CNTNAP2: variants seen among roughly 807,000 people sequenced by gnomAD.
The protein encoded by CNTNAP2 is contactin associated protein 2.
CNTNAP2 carries 98 observed loss-of-function variants against 155.2 expected under a neutral mutation model. That is an observed-to-expected ratio of 0.63 (90% CI 0.54 to 0.75). The LOEUF (loss-of-function observed/expected upper bound fraction) is 0.75. Among genes scored for constraint, CNTNAP2 ranks in the 30% least tolerant of loss-of-function variants. The pLI is 0.00. For synonymous variants in CNTNAP2, 651 were observed against 631.2 expected, an observed-to-expected ratio of 1.03 and a Z score of -0.47; for missense variants, 1,727 against 1,688.1, an observed-to-expected ratio of 1.02 and a Z score of -0.40.
intron 15 of CNTNAP2, among the ~76,000 whole-genome samples, chr7:147,991,236 T>C (rs1178826740): frequency 6.6e-6 from 1 of 152,186 alleles, no homozygotes; most frequent in Non-Finnish European, 1.5e-5. Flanking sequence ...CAGGCAGAAG[T>C]CTGTATCATG....
chr7:146,454,743 A>G (rs187044037), intron 1 of CNTNAP2, among the ~76,000 whole-genome samples: 3 of 152,162 alleles, frequency 2.0e-5, no homozygotes, highest in Non-Finnish European at 2.9e-5. Context: ...AGATAGATAG[A>G]TTAGATAGAT....
intron 1 of CNTNAP2, among the ~76,000 whole-genome samples, chr7:146,360,212 G>T (rs1349022938): frequency 6.6e-6 from 1 of 152,046 alleles, no homozygotes; most frequent in Admixed American, 6.6e-5. Flanking sequence ...CACTTCCCTT[G>T]CCTCCTTGCC....
chr7:147,433,492 T>C (rs1797498791), intron 10 of CNTNAP2, among the ~76,000 whole-genome samples: 1 of 152,182 alleles, frequency 6.6e-6, no homozygotes, highest in Admixed American at 6.5e-5. Context: ...TTCTTGGTGA[T>C]AAGAGTGAAG....
intron 4 of CNTNAP2, among the ~76,000 whole-genome samples, chr7:147,068,781 A>C (rs1799833586): frequency 6.6e-6 from 1 of 152,236 alleles, no homozygotes; most frequent in Admixed American, 6.5e-5. Context: ...GGACTTCAGA[A>C]CTGCCAAATC....
intron 1 of CNTNAP2, among the ~76,000 whole-genome samples, chr7:146,228,913 T>C (rs527778193): frequency 6.6e-6 from 1 of 152,286 alleles, no homozygotes; most frequent in African/African-American, 2.4e-5. Flanking sequence ...ATGAACATGA[T>C]CTCTCTTCTG....
At chr7:148,240,284 G>C (rs1422758231) in intron 20 of CNTNAP2, among the ~76,000 whole-genome samples, 2 of 152,164 alleles carry the variant, frequency 1.3e-5, no homozygotes, top group Non-Finnish European at 2.9e-5. Context: ...TATATTCTGG[G>C]AGGGGAGAAA....
chr7:147,274,512 T>TTTG (rs757772000), intron 8 of CNTNAP2, among the ~76,000 whole-genome samples: 72 of 152,114 alleles, frequency 4.7e-4, no homozygotes, highest in Admixed American at 2.9e-3. Context: ...TTTTAATTTT[T>TTTG]TTGTTGTTGT....
At chr7:147,461,658 C>T (rs1798027675) in intron 10 of CNTNAP2, among the ~76,000 whole-genome samples, 1 of 151,876 alleles carries the variant, frequency 6.6e-6, no homozygotes, top group South Asian at 2.1e-4. Flanking sequence ...TTATCCTGGG[C>T]TTGAAAAAAA....
intron 8 of CNTNAP2, among the ~76,000 whole-genome samples, chr7:147,148,096 A>G (rs1253170093): frequency 1.3e-5 from 2 of 152,232 alleles, no homozygotes; most frequent in Non-Finnish European, 1.5e-5. Context: ...ATTATATGGT[A>G]AAAAGTGGTG....
chr7:147,019,879 T>C (rs1372576358), intron 3 of CNTNAP2, among the ~76,000 whole-genome samples: 1 of 152,078 alleles, frequency 6.6e-6, no homozygotes, highest in Non-Finnish European at 1.5e-5. Context: ...TCATCAATGA[T>C]ACATAGAATT....
At chr7:146,194,737 CTT>C (rs1798752919) in intron 1 of CNTNAP2, among the ~76,000 whole-genome samples, 3 of 152,158 alleles carry the variant, frequency 2.0e-5, no homozygotes, top group Admixed American at 2.0e-4. Context: ...CTAAAACTAA[CTT>C]ATTTGAAGTT....
intron 1 of CNTNAP2, among the ~76,000 whole-genome samples, chr7:146,368,687 G>A (rs1795188575): frequency 6.6e-6 from 1 of 152,014 alleles, no homozygotes; most frequent in Admixed American, 6.6e-5. Context: ...AAGTGTCCCA[G>A]TGAGTCCTCA....
At chr7:148,352,202 T>C (rs1324838212) in intron 21 of CNTNAP2, among the ~76,000 whole-genome samples, 3 of 152,182 alleles carry the variant, frequency 2.0e-5, no homozygotes, top group Admixed American at 6.5e-5. Context: ...TTTATGTTTT[T>C]ACAAGAACAC....
chr7:147,112,941 G>A (rs77863718), intron 5 of CNTNAP2, among the ~76,000 whole-genome samples: 2 of 151,958 alleles, frequency 1.3e-5, no homozygotes, highest in South Asian at 2.1e-4. Flanking sequence ...CAGGTTTTTG[G>A]AATAGTTTGA....
At chr7:147,775,427 A>C (rs532577619) in intron 13 of CNTNAP2, among the ~76,000 whole-genome samples, 14 of 124,348 alleles carry the variant, frequency 1.1e-4, no homozygotes, top group African/African-American at 3.5e-4. Flanking sequence ...ATATATATAT[A>C]TCTGAAGAAA....
intron 9 of CNTNAP2, among the ~76,000 whole-genome samples, chr7:147,363,803 C>G (rs1455457012): frequency 6.6e-6 from 1 of 152,192 alleles, no homozygotes; most frequent in East Asian, 1.9e-4. Context: ...AGGCTCAATT[C>G]TCCAATGCCA....
intron 1 of CNTNAP2, among the ~76,000 whole-genome samples, chr7:146,771,048 C>G (rs1286848797): frequency 6.6e-6 from 1 of 152,028 alleles, no homozygotes; most frequent in Non-Finnish European, 1.5e-5. Flanking sequence ...CAAATGCTAC[C>G]TGATCATTTT....
At chr7:147,998,321 C>T (rs952124922) in intron 15 of CNTNAP2, among the ~76,000 whole-genome samples, 11 of 151,928 alleles carry the variant, frequency 7.2e-5, no homozygotes, top group Non-Finnish European at 1.5e-4. Context: ...CCGTGTTGGC[C>T]AGGCTGGTCT....
intron 1 of CNTNAP2, among the ~76,000 whole-genome samples, chr7:146,453,874 G>T (rs1796517297): frequency 6.6e-6 from 1 of 152,090 alleles, no homozygotes; most frequent in African/African-American, 2.4e-5. Flanking sequence ...AGAAAAAAAT[G>T]ACTGACAAAA....
Sources: allele counts gnomAD v4.1 joint callset (sites outside exome capture counted in the v4.1 genomes callset), GRCh38; gene constraint gnomAD v4.1.1; transcripts MANE v1.5; gene names NCBI Gene and HGNC (gene_info 2026-07-23, HGNC 2026-07-21).